CAMTA1: variants seen among roughly 807,000 people sequenced by gnomAD.
The protein encoded by CAMTA1 is calmodulin-binding transcription activator 1.
Under a neutral mutation model 170.9 loss-of-function variants are expected in CAMTA1, and 27 were observed. The observed-to-expected ratio is 0.16, with a 90% confidence interval of 0.12 to 0.22. The LOEUF (loss-of-function observed/expected upper bound fraction) is 0.22, where lower values mean the gene tolerates loss of function less well. Ranked by LOEUF, CAMTA1 falls within the 10% of genes least tolerant of loss-of-function variation. The pLI is 1.00. For synonymous variants in CAMTA1, 833 were observed against 891.5 expected, an observed-to-expected ratio of 0.93 and a Z score of 1.17; for missense variants, 1,619 against 2,217.2, an observed-to-expected ratio of 0.73 and a Z score of 5.42.
At chr1:7,582,526 C>T (rs1209466220) in intron 6 of CAMTA1, among the ~76,000 whole-genome samples, 1 of 152,112 alleles carries the variant, frequency 6.6e-6, no homozygotes, top group African/African-American at 2.4e-5. Context: ...TGTAAACAGA[C>T]ACAGTCAAGG....
At chr1:7,230,774 A>C (rs1246475465) in intron 4 of CAMTA1, among the ~76,000 whole-genome samples, 3 of 152,136 alleles carry the variant, frequency 2.0e-5, no homozygotes, top group Admixed American at 2.0e-4. Flanking sequence ...ACCCAGCCCC[A>C]GCCCCCGGGA....
intron 3 of CAMTA1, among the ~76,000 whole-genome samples, chr1:6,926,423 CTCTT>C (rs973755521): frequency 8.2e-5 from 11 of 134,346 alleles, no homozygotes; most frequent in Non-Finnish European, 1.1e-4. Context: ...CTTTTCTTTT[CTCTT>C]TCTTTCTTTT....
At chr1:7,719,521 G>A (rs1265683542) in intron 11 of CAMTA1, among the ~76,000 whole-genome samples, 1 of 152,240 alleles carries the variant, frequency 6.6e-6, no homozygotes, top group East Asian at 1.9e-4. Context: ...GTCCTAAGCA[G>A]CATTGCTCAT....
Position 7,570,959 on chromosome 1 carries a change from G to A in CAMTA1, c.511-69441G>A, listed in dbSNP as rs148394202. On this transcript the variant is annotated intron_variant, in intron 6 of 22. Transcript: ENST00000303635. This position sits in a 1 kb window ranked among gnomAD's most constrained non-coding sequence, Gnocchi z 4.3. The stretch of plus-strand genomic sequence containing the variant: ...GGGCAGCCTTTCTGTGTCGCCGGAG[G>A]TTGTGAGGATTAAAGGTGGTGTATC... 2.0e-5 allele frequency among the ~76,000 whole-genome samples: 3 copies of A among 152,196 alleles called. No individual in the cohort carries two copies. The East Asian group carries it at 5.8e-4, about 29-fold the overall frequency.
chr1:7,384,810 T>G (rs2087745143), intron 5 of CAMTA1, among the ~76,000 whole-genome samples: 1 of 152,140 alleles, frequency 6.6e-6, no homozygotes, highest in African/African-American at 2.4e-5. Context: ...GCAAGGACCC[T>G]GGGTTGGCAA....
At chr1:7,543,659 C>A (rs962635483) in intron 6 of CAMTA1, among the ~76,000 whole-genome samples, 1 of 152,136 alleles carries the variant, frequency 6.6e-6, no homozygotes, top group African/African-American at 2.4e-5. Flanking sequence ...TTGATGAATC[C>A]GAGTTTTCTG....
chr1:7,222,769 T>C (rs2149140093), intron 4 of CAMTA1, among the ~76,000 whole-genome samples: 1 of 152,358 alleles, frequency 6.6e-6, no homozygotes, highest in African/African-American at 2.4e-5. Context: ...TTGGTCTTCA[T>C]GGAGAGAGCT....
chr1:7,632,623 T>C (rs2095678829), intron 6 of CAMTA1, among the ~76,000 whole-genome samples: 2 of 152,212 alleles, frequency 1.3e-5, no homozygotes, highest in African/African-American at 2.4e-5. Context: ...CAGAAAGGGG[T>C]CCTGGCTCCA....
At chr1:7,392,822 C>G (rs561135259) in intron 5 of CAMTA1, among the ~76,000 whole-genome samples, 2 of 151,642 alleles carry the variant, frequency 1.3e-5, no homozygotes, top group South Asian at 2.1e-4. Flanking sequence ...TGCAGTGAGC[C>G]GAGATCACGC....
intron 5 of CAMTA1, among the ~76,000 whole-genome samples, chr1:7,451,469 C>T (rs551604286): frequency 6.6e-6 from 1 of 152,286 alleles, no homozygotes; most frequent in Admixed American, 6.5e-5. Context: ...CAGCTCGCCC[C>T]ATCCCTGCTC....
In CAMTA1 at chr1:7,609,298, A is replaced by G. The variant is rs1305790125; in HGVS notation, c.511-31102A>G. On this transcript the variant is annotated intron_variant, in intron 6 of 22. Transcript: ENST00000303635. The surrounding 1 kb of genome is among the most constrained non-coding windows in gnomAD (Gnocchi z 4.4). ...AGGTGCCCGGCTGCTGGGTCACCCCATCGGCTGTTCTGTCATCAGACATCA... is the reference window on the plus strand; with the variant it reads ...AGGTGCCCGGCTGCTGGGTCACCCCGTCGGCTGTTCTGTCATCAGACATCA... Among the ~76,000 whole-genome samples, 1 of 152,028 alleles carries G rather than the reference A, an allele frequency of 6.6e-6. No homozygotes were observed. Among genetic ancestry groups the G allele is most frequent in the East Asian group, 1.9e-4 (1 of 5,164 alleles).
intron 5 of CAMTA1, among the ~76,000 whole-genome samples, chr1:7,347,443 TTC>T (rs1236396259): frequency 2.0e-5 from 3 of 152,200 alleles, no homozygotes; most frequent in Non-Finnish European, 4.4e-5. Context: ...TGTAAAGATG[TTC>T]TCTTTCACAC....
In CAMTA1 at chr1:7,681,449, G is replaced by A. The variant is rs925092182; in HGVS notation, c.2914+3716G>A. On this transcript the variant is annotated intron_variant, in intron 11 of 22. Coordinates refer to ENST00000303635, the MANE Select transcript of CAMTA1 (RefSeq NM_015215.4). This position sits in a 1 kb window ranked among gnomAD's most constrained non-coding sequence, Gnocchi z 4.6. The stretch of plus-strand genomic sequence containing the variant: ...CGGCTGCCTTTAACCCAGGGTCTTC[G>A]GGAACTGCCGTTTTCACCATTTCTC... Among the ~76,000 whole-genome samples the A allele has an allele frequency of 1.3e-5, 2 of 152,142 alleles. No homozygotes were observed. The highest frequency in any genetic ancestry group is 2.9e-5 in the Non-Finnish European group (2 of 68,024).
intron 1 of CAMTA1, among the ~76,000 whole-genome samples, chr1:6,816,803 G>A (rs988409917): frequency 2.6e-5 from 4 of 152,158 alleles, no homozygotes; most frequent in African/African-American, 7.2e-5. Flanking sequence ...GCAGACAGGC[G>A]CCTAGAGGGA....
chr1:7,116,977 CT>C (rs905295574), intron 4 of CAMTA1, among the ~76,000 whole-genome samples: 64 of 142,618 alleles, frequency 4.5e-4, no homozygotes, highest in East Asian at 3.8e-3. Flanking sequence ...GAAATAACTA[CT>C]TTTTTTTTTG....
At chr1:7,221,481 C>T (rs971456735) in intron 4 of CAMTA1, among the ~76,000 whole-genome samples, 1 of 152,146 alleles carries the variant, frequency 6.6e-6, no homozygotes, top group Non-Finnish European at 1.5e-5. Flanking sequence ...GGAAGTCCCT[C>T]CAGAATCAGA....
chr1:7,310,654 T>TATTTC (rs1557490688), intron 5 of CAMTA1, among the ~76,000 whole-genome samples: 5 of 62,408 alleles, frequency 8.0e-5, no homozygotes, highest in African/African-American at 1.7e-4. Context: ...CTTTTTTCTT[T>TATTTC]CTTTCTTTCT....
At chr1:6,831,841 T>A (rs528165301) in intron 3 of CAMTA1, among the ~76,000 whole-genome samples, 1 of 152,156 alleles carries the variant, frequency 6.6e-6, no homozygotes, top group Non-Finnish European at 1.5e-5. Context: ...AATGTCTATG[T>A]AGAGAGCAGT....
chr1:6,979,683 G>T (rs1027595286), intron 3 of CAMTA1, among the ~76,000 whole-genome samples: 1 of 152,194 alleles, frequency 6.6e-6, no homozygotes, highest in Non-Finnish European at 1.5e-5. Context: ...TTAGAACGCT[G>T]CTACCATCCT....
Sources: allele counts gnomAD v4.1 joint callset (sites outside exome capture counted in the v4.1 genomes callset), GRCh38; gene constraint gnomAD v4.1.1; non-coding constraint Gnocchi (gnomAD v3.1); transcripts MANE v1.5; gene names NCBI Gene and HGNC (gene_info 2026-07-23, HGNC 2026-07-21).